ZNF28: variants seen among roughly 807,000 people sequenced by gnomAD.
The protein encoded by ZNF28 is zinc finger protein KOX24.
In ZNF28, 5 loss-of-function variants were observed where a neutral mutation model predicts 7.2. The ratio of observed to expected loss-of-function variants is 0.70; its 90% CI spans 0.36 to 1.46. The LOEUF (loss-of-function observed/expected upper bound fraction) is 1.46. Ranked by LOEUF, ZNF28 falls within the 40% of genes most tolerant of loss-of-function variation. ZNF28 has a pLI of 0.03. For missense variants in ZNF28, 879 were observed against 866.6 expected (o/e 1.01, Z -0.18); for synonymous variants, 288 against 292.4 (o/e 0.99, Z 0.15).
At chr19:52,809,955 G>A in intron 2 of ZNF28, 1 of 813,974 alleles carries the variant, frequency 1.2e-6, no homozygotes, top group South Asian at 1.4e-5. Context: ...GGGGGGCGCA[G>A]GGGACGATGG....
chr19:52,819,735 G>A (rs1214174187), intron 1 of ZNF28, among the ~76,000 whole-genome samples: 2 of 143,320 alleles, frequency 1.4e-5, no homozygotes, highest in African/African-American at 2.9e-5. Context: ...AATTAGAGAA[G>A]CATCTTTCAC....
intron 2 of ZNF28, among the ~76,000 whole-genome samples, chr19:52,808,847 C>CA (rs1160710720): frequency 6.6e-6 from 1 of 151,858 alleles, no homozygotes; most frequent in African/African-American, 2.4e-5. Context: ...CAAAATTACT[C>CA]AAAGTACAAA....
rs537047330 is a variant in ZNF28, at chr19:52,816,601, T to C, written c.15+1343A>G. Among the ~76,000 whole-genome samples the C allele has an allele frequency of 1.5e-3, 215 of 144,782 alleles. 30 individuals carry two copies. The highest frequency in any genetic ancestry group is 5.5e-3 in the African/African-American group (201 of 36,860). 95.0% of individuals were successfully genotyped at this position (144,782 alleles called of 152,430 possible). A position where few individuals can be genotyped will look rare whatever the true frequency, so the allele number is the denominator to read the frequency against. On this transcript the variant is annotated intron_variant, in intron 2 of 3. Coordinates refer to ENST00000457749, the MANE Select transcript of ZNF28 (RefSeq NM_006969.5). ...ATGGCATGAACCCAGGAGGCAGAGC[T>C]TGCAGTGAGCCAAGATCATACCAAA...
intron 3 of ZNF28, chr19:52,807,757 G>A: frequency 1.6e-6 from 1 of 627,678 alleles, no homozygotes. Context: ...TAACAGGCGT[G>A]AGCCACCACG....
intron 2 of ZNF28, among the ~76,000 whole-genome samples, chr19:52,816,577 T>C (rs1389808343): frequency 2.1e-5 from 3 of 144,560 alleles, no homozygotes; most frequent in South Asian, 2.3e-4. Flanking sequence ...GGCAGGAGAA[T>C]GGCATGAACC....
chr19:52,820,410 C>T (rs1182627314), intron 1 of ZNF28, among the ~76,000 whole-genome samples: 1 of 146,034 alleles, frequency 6.8e-6, no homozygotes, highest in Non-Finnish European at 1.5e-5. Flanking sequence ...AGCCACCGCG[C>T]CCGGCCCTTA....
At chr19:52,803,050 C>T (rs374486141) in intron 3 of ZNF28, among the ~76,000 whole-genome samples, 38 of 151,250 alleles carry the variant, frequency 2.5e-4, no homozygotes, top group African/African-American at 7.8e-4. Flanking sequence ...CATGAGCCAC[C>T]GCACACGGCC....
chr19:52,810,240 A>T, intron 2 of ZNF28: 2 of 1,203,122 alleles, frequency 1.7e-6, no homozygotes, highest in East Asian at 4.7e-5. Flanking sequence ...GAGGAATATG[A>T]GTCTACCTCC....
intron 2 of ZNF28, among the ~76,000 whole-genome samples, chr19:52,817,567 C>T (rs1222010990): frequency 1.2e-4 from 19 of 152,048 alleles, no homozygotes; most frequent in Admixed American, 1.2e-3. Context: ...GTACTTTGTG[C>T]ACATTAATAC....
rs1200515581 is a variant in ZNF28, at chr19:52,809,884, C to T, written c.16-1751G>A. ...ACTGGGCCTGCGGGCGGTCCGGGAT[C>T]CAGGCCGGGGCGGCGCCATCTTGTG... On this transcript the variant is annotated intron_variant, in intron 2 of 3. Transcript: ENST00000457749. The T allele has an allele frequency of 7.1e-5, 54 of 757,588 alleles. 1 individual carries two copies. In the East Asian group the frequency reaches 1.4e-3, roughly 20 times the overall value. 46.9% of individuals were successfully genotyped at this position (757,588 alleles called of 1,614,324 possible). A position where few individuals can be genotyped will look rare whatever the true frequency, so the allele number is the denominator to read the frequency against.
chr19:52,811,781 C>T (rs2063047356), intron 2 of ZNF28, among the ~76,000 whole-genome samples: 4 of 149,398 alleles, frequency 2.7e-5, no homozygotes, highest in African/African-American at 7.5e-5. Flanking sequence ...AGCCCCCCGC[C>T]CGGCCAGCCG....
At position 52,798,870 on chromosome 19, in the gene ZNF28, G is replaced by C. The variant is rs891668452; in HGVS notation, c.*818C>G. On this transcript the variant is annotated 3_prime_UTR_variant, in exon 4 of 4. Transcript: ENST00000457749. ...TATTAGTCAAGTTTCCCTATACTAT[G>C]GATTGCTTGATGGTGAATAAGTGGT... 1.5e-6 allele frequency: 2 copies of C among 1,367,898 alleles called. No homozygotes were observed. The highest frequency in any genetic ancestry group is 1.5e-5 in the African/African-American group (1 of 68,352). The allele number at this position is 1,367,898 out of a possible 1,614,324, so 84.7% of individuals were successfully genotyped here. A position where few individuals can be genotyped will look rare whatever the true frequency, so the allele number is the denominator to read the frequency against.
Position 52,801,079 on chromosome 19 carries a change from GCTT to G in ZNF28, c.763_765del (p.Lys255del). Reference sequence around the variant, plus strand: ...GATCTACGATGGCATGCAAGGTATCGCTTCTGATTAAATACCTTGCCATATACA... The same window carrying G: ...GATCTACGATGGCATGCAAGGTATCGCTGATTAAATACCTTGCCATATACA... On this transcript the variant is annotated inframe_deletion, in exon 4 of 4. Transcript: ENST00000457749. The G allele has an allele frequency of 6.2e-7, 1 of 1,614,078 alleles. No homozygotes were observed. Among genetic ancestry groups the G allele is most frequent in the Non-Finnish European group, 8.5e-7 (1 of 1,180,016 alleles).
intron 2 of ZNF28, chr19:52,809,881 G>T: frequency 4.1e-6 from 3 of 740,190 alleles, no homozygotes. Flanking sequence ...GGCGGTCCGG[G>T]ATCCAGGCCG....
chr19:52,810,614 C>G, intron 2 of ZNF28: 2 of 1,472,636 alleles, frequency 1.4e-6, no homozygotes, highest in South Asian at 1.1e-5. Context: ...TACAGCAGTT[C>G]CTGCTCTCCA....
chr19:52,817,067 T>C (rs1043050200), intron 2 of ZNF28, among the ~76,000 whole-genome samples: 17 of 152,076 alleles, frequency 1.1e-4, no homozygotes, highest in African/African-American at 2.7e-4. Context: ...ATTGATTTCA[T>C]GTTCTTAAAA....
Position 52,813,929 on chromosome 19 carries a change from C to G in ZNF28, c.15+4015G>C, listed in dbSNP as rs141561536. Among the ~76,000 whole-genome samples the G allele has an allele frequency of 6.0e-3, 878 of 145,488 alleles. 131 individuals carry two copies. The highest frequency in any genetic ancestry group is 0.022 in the African/African-American group (816 of 37,230). On this transcript the variant is annotated intron_variant, in intron 2 of 3. Coordinates refer to ENST00000457749, the MANE Select transcript of ZNF28 (RefSeq NM_006969.5). Reference sequence around the variant, plus strand: ...GGAACAGGGAGGTGGGAGATGGACTCTGTTTATTTTTTTAAGCTCATTTCC... The same window carrying G: ...GGAACAGGGAGGTGGGAGATGGACTGTGTTTATTTTTTTAAGCTCATTTCC...
At chr19:52,810,564 G>A (rs899283212) in intron 2 of ZNF28, 31 of 1,593,176 alleles carry the variant, frequency 1.9e-5, no homozygotes, top group East Asian at 6.7e-5. Flanking sequence ...ACAACAGACC[G>A]GGGTCTTCCA....
chr19:52,807,741 C>A, intron 3 of ZNF28: 1 of 544,580 alleles, frequency 1.8e-6, no homozygotes, highest in Non-Finnish European at 3.1e-6. Context: ...TCCCAAGGTG[C>A]TGGGATAACA....
Sources: allele counts gnomAD v4.1 joint callset (sites outside exome capture counted in the v4.1 genomes callset), GRCh38; gene constraint gnomAD v4.1.1; transcripts MANE v1.5; gene names NCBI Gene and HGNC (gene_info 2026-07-23, HGNC 2026-07-21).